The following CCDC171 variants were observed in gnomAD, a reference collection of about 807,000 sequenced individuals.
CCDC171 encodes coiled-coil domain-containing protein 171.
Under a neutral mutation model 168.2 loss-of-function variants are expected in CCDC171, and 177 were observed. The ratio of observed to expected loss-of-function variants is 1.05; its 90% CI spans 0.93 to 1.19. The LOEUF is 1.19. CCDC171 is among the 50% of genes most tolerant of loss of function. The probability of loss-of-function intolerance (pLI) is 0.00; values close to 1 mark genes in which losing one functional copy is unlikely to be tolerated. For missense variants in CCDC171, 1,991 were observed against 1,539.0 expected (o/e 1.29, Z -4.91); for synonymous variants, 687 against 540.8 (o/e 1.27, Z -3.75).
At chr9:15,875,500 T>G (rs190885170) in intron 24 of CCDC171, 15 of 152,096 alleles carry the variant, frequency 9.9e-5, no homozygotes, top group African/African-American at 3.4e-4. Context: ...ATTATGTAAA[T>G]TATAGGAAGC....
chr9:15,811,772 T>C (rs1331087378), intron 21 of CCDC171, among the ~76,000 whole-genome samples: 2 of 152,194 alleles, frequency 1.3e-5, no homozygotes, highest in Non-Finnish European at 1.5e-5. Flanking sequence ...GTTACTTCGA[T>C]GATGGAGTCT....
At position 15,972,681 on chromosome 9, in the gene CCDC171, A is replaced by G. The variant is rs1831464773; in HGVS notation, c.*845A>G. ...ATGGCTGTTTTGACCTTCAAAATAG[A>G]CTCCTTTTTTGTTTTTGTTGTTGGT... On this transcript the variant is annotated 3_prime_UTR_variant, in exon 26 of 26. Transcript: ENST00000380701. 6.6e-6 allele frequency: 1 copy of G among 151,776 alleles called. No individual in the cohort carries two copies. The highest frequency in any genetic ancestry group is 1.5e-5 in the Non-Finnish European group (1 of 67,940). The allele number at this position is 151,776 out of a possible 1,614,324, so 9.4% of individuals were successfully genotyped here. A position where few individuals can be genotyped will look rare whatever the true frequency, so the allele number is the denominator to read the frequency against.
At chr9:15,651,715 T>C (rs1038266758) in intron 7 of CCDC171, among the ~76,000 whole-genome samples, 3 of 152,216 alleles carry the variant, frequency 2.0e-5, no homozygotes, top group South Asian at 2.1e-4. Flanking sequence ...TAGTATTCCA[T>C]TGTGTATATA....
intron 16 of CCDC171, among the ~76,000 whole-genome samples, chr9:15,741,757 A>C (rs375320890): frequency 3.7e-4 from 57 of 152,204 alleles, no homozygotes; most frequent in African/African-American, 1.3e-3. Flanking sequence ...TTATGTCTCT[A>C]CTTGCTTTTT....
intron 6 of CCDC171, among the ~76,000 whole-genome samples, chr9:15,618,701 G>T (rs1277200625): frequency 6.6e-6 from 1 of 152,180 alleles, no homozygotes; most frequent in African/African-American, 2.4e-5. Context: ...TGGGAAAAGC[G>T]TAGTACTCAG....
chr9:15,742,114 G>A (rs1443794853), intron 16 of CCDC171, among the ~76,000 whole-genome samples: 1 of 151,722 alleles, frequency 6.6e-6, no homozygotes, highest in Non-Finnish European at 1.5e-5. Context: ...AATTGATTTT[G>A]AAGAGAATAT....
At chr9:15,866,576 GT>G (rs1157680160) in intron 23 of CCDC171, among the ~76,000 whole-genome samples, 5 of 151,990 alleles carry the variant, frequency 3.3e-5, no homozygotes, top group Non-Finnish European at 5.9e-5. Flanking sequence ...GATGAGTTTT[GT>G]TTTGGAAATA....
At chr9:16,033,140 A>G (rs1833393780) in intron 6 of CCDC171, among the ~76,000 whole-genome samples, 2 of 152,224 alleles carry the variant, frequency 1.3e-5, no homozygotes, top group Admixed American at 1.3e-4. Flanking sequence ...GGATAAAACC[A>G]CAAGCAGGCA....
intron 7 of CCDC171, among the ~76,000 whole-genome samples, chr9:15,646,994 G>C (rs1440644138): frequency 1.3e-5 from 2 of 152,144 alleles, no homozygotes; most frequent in Non-Finnish European, 2.9e-5. Flanking sequence ...TGACCACATA[G>C]TTGGAAGTAA....
intron 24 of CCDC171, among the ~76,000 whole-genome samples, chr9:15,907,578 C>T (rs1007844641): frequency 6.6e-6 from 1 of 152,108 alleles, no homozygotes; most frequent in Non-Finnish European, 1.5e-5. Context: ...TAGGCATTAC[C>T]ATTCAGGACA....
At chr9:16,017,127 A>G (rs1564121286) in intron 3 of CCDC171, among the ~76,000 whole-genome samples, 1 of 152,170 alleles carries the variant, frequency 6.6e-6, no homozygotes, top group Non-Finnish European at 1.5e-5. Context: ...TTTAAAGTTA[A>G]TTTTTCTATT....
At chr9:15,621,736 C>G (rs1304592070) in intron 6 of CCDC171, among the ~76,000 whole-genome samples, 1 of 152,228 alleles carries the variant, frequency 6.6e-6, no homozygotes, top group East Asian at 1.9e-4. Flanking sequence ...CCTCAAAGAA[C>G]TAAAAACAGA....
rs554856196 is a variant in CCDC171 at position 15,814,593 on chromosome 9, A to G, written c.3267+29899A>G. Among the ~76,000 whole-genome samples, 211 of 150,886 alleles carry G rather than the reference A, an allele frequency of 1.4e-3. 1 individual carries two copies. The highest frequency in any genetic ancestry group is 5.0e-3 in the African/African-American group (207 of 41,062). Reference sequence around the variant, plus strand: ...TTGGGATTGAAATACAATTGTAGCTAAAGTTTTTCTTTTTTTTCTGAGAAA... The same window carrying G: ...TTGGGATTGAAATACAATTGTAGCTGAAGTTTTTCTTTTTTTTCTGAGAAA... On this transcript the variant is annotated intron_variant, in intron 21 of 25. Transcript: ENST00000380701.
At chr9:15,765,130 A>G (rs931073697) in intron 18 of CCDC171, among the ~76,000 whole-genome samples, 2 of 152,236 alleles carry the variant, frequency 1.3e-5, no homozygotes, top group Non-Finnish European at 2.9e-5. Flanking sequence ...ATTTGGCAAG[A>G]TAGAGATAAC....
At chr9:15,737,693 A>G (rs180919081) in intron 16 of CCDC171, among the ~76,000 whole-genome samples, 25 of 152,360 alleles carry the variant, frequency 1.6e-4, no homozygotes, top group African/African-American at 6.0e-4. Context: ...ACCCAGGCAC[A>G]TACTATTTTT....
At chr9:15,951,525 T>TGTTG (rs1829173141) in intron 25 of CCDC171, among the ~76,000 whole-genome samples, 1 of 151,936 alleles carries the variant, frequency 6.6e-6, no homozygotes, top group Non-Finnish European at 1.5e-5. Flanking sequence ...ATCTGTTTTT[T>TGTTG]GTTTGTTTGT....
chr9:15,563,139 C>A (rs961762550), intron 1 of CCDC171, among the ~76,000 whole-genome samples: 1 of 136,768 alleles, frequency 7.3e-6, no homozygotes, highest in African/African-American at 2.7e-5. Context: ...CAAGTTACTT[C>A]TTTTTTTTTT....
intron 4 of CCDC171, among the ~76,000 whole-genome samples, chr9:15,583,279 G>T (rs912086452): frequency 6.6e-6 from 1 of 152,056 alleles, no homozygotes; most frequent in African/African-American, 2.4e-5. Flanking sequence ...GCTGGGTGTG[G>T]TGGCGCACGC....
the CCDC171 span, among the ~76,000 whole-genome samples, chr9:16,107,960 T>G: frequency 1.3e-5 from 2 of 152,212 alleles, no homozygotes; most frequent in Non-Finnish European, 2.9e-5. Flanking sequence ...AGTGAAAGCT[T>G]TATTTCAATA....
Sources: allele counts gnomAD v4.1 joint callset (sites outside exome capture counted in the v4.1 genomes callset), GRCh38; gene constraint gnomAD v4.1.1; transcripts MANE v1.5; gene names NCBI Gene and HGNC (gene_info 2026-07-23, HGNC 2026-07-21).